The following MAP3K4 variants were observed in gnomAD, a reference collection of about 807,000 sequenced individuals.
The protein encoded by MAP3K4 is mitogen-activated protein kinase kinase kinase 4.
A neutral mutation model predicts 185.6 loss-of-function variants in MAP3K4; 67 were observed. That is an observed-to-expected ratio of 0.36 (90% CI 0.30 to 0.44). The LOEUF (loss-of-function observed/expected upper bound fraction) is 0.44. Ranked by LOEUF, MAP3K4 falls within the 20% of genes least tolerant of loss-of-function variation. The probability of loss-of-function intolerance (pLI) is 1.00; values close to 1 mark genes in which losing one functional copy is unlikely to be tolerated. For synonymous variants in MAP3K4, 702 were observed against 710.4 expected (o/e 0.99, Z 0.19); for missense variants, 1,551 against 1,995.1 (o/e 0.78, Z 4.24).
intron 13 of MAP3K4, among the ~76,000 whole-genome samples, chr6:161,092,360 CT>C (rs1777364272): frequency 6.6e-6 from 1 of 151,650 alleles, no homozygotes; most frequent in East Asian, 1.9e-4. Context: ...TTTGAGTTAC[CT>C]TTAAGGGAAC....
At chr6:161,099,281 A>G (rs1326689752) in intron 17 of MAP3K4, among the ~76,000 whole-genome samples, 1 of 152,252 alleles carries the variant, frequency 6.6e-6, no homozygotes, top group Non-Finnish European at 1.5e-5. Context: ...TAGAGTTAAC[A>G]GGAAGATGAT....
rs186715923 is a variant in MAP3K4, at chr6:161,089,357, G to A, written c.2859G>A (p.Ala953=). ...TTTTACTAGTTGTCATGCAGTCTGC[G>A]CATCTCACAATTCAGAGAAAAGCTT... The part of the protein sequence containing the change: ...DNLLLVVMQS[A]HLTIQRKAFQ... Residue 953 remains alanine, a synonymous_variant, in exon 11 of 27, where the codon GCG becomes GCA. Transcript: ENST00000392142. 67 of 1,614,032 alleles carry A rather than the reference G, an allele frequency of 4.2e-5. No individual in the cohort carries two copies. The highest frequency in any genetic ancestry group is 4.9e-5 in the Non-Finnish European group (58 of 1,180,026).
rs1318386141 is a variant in MAP3K4, at chr6:161,063,764, G to GC, written c.1708-6842dup. Among the ~76,000 whole-genome samples, 8 of 152,150 alleles carry GC rather than the reference G, an allele frequency of 5.3e-5. No individual in the cohort carries two copies. Among genetic ancestry groups the GC allele is most frequent in the Non-Finnish European group, 7.3e-5 (5 of 68,040 alleles). ...CCCCTTGCCTTCACTCATGAATAGTGCCAAAATCATTCCTAATTTCACAGA... is the reference window on the plus strand; with the variant it reads ...CCCCTTGCCTTCACTCATGAATAGTGCCCAAAATCATTCCTAATTTCACAGA... On this transcript the variant is annotated intron_variant, in intron 3 of 26. Coordinates refer to ENST00000392142, the MANE Select transcript of MAP3K4 (RefSeq NM_005922.4). The surrounding 1 kb of genome is among the most constrained non-coding windows in gnomAD (Gnocchi z 5.4).
intron 3 of MAP3K4, among the ~76,000 whole-genome samples, chr6:161,065,709 C>T (rs1318545184): frequency 2.6e-5 from 4 of 152,092 alleles, no homozygotes; most frequent in African/African-American, 9.7e-5. Context: ...GAGGCCAAGG[C>T]GGGTGGATCA....
chr6:161,035,235 T>A lies in MAP3K4; in HGVS notation c.343+786T>A, dbSNP rs150539623. ...AAATGCCATATATTCCTGGAATTTATTCAGCTATTACTGCATGAGATGCGG... is the reference window on the plus strand; with the variant it reads ...AAATGCCATATATTCCTGGAATTTAATCAGCTATTACTGCATGAGATGCGG... On this transcript the variant is annotated intron_variant, in intron 2 of 26. Coordinates refer to ENST00000392142, the MANE Select transcript of MAP3K4 (RefSeq NM_005922.4). Among the ~76,000 whole-genome samples, 203 of 152,338 alleles carry A rather than the reference T, an allele frequency of 1.3e-3. 2 individuals are homozygous for A. In the East Asian group the frequency reaches 0.035, roughly 27 times the overall value.
At chr6:161,009,496 G>A (rs1043029212) in intron 1 of MAP3K4, among the ~76,000 whole-genome samples, 1 of 152,096 alleles carries the variant, frequency 6.6e-6, no homozygotes, top group Non-Finnish European at 1.5e-5. Flanking sequence ...CAGAGCATTT[G>A]TCTTTTTCTG....
At chr6:161,035,671 T>A (rs983788314) in intron 2 of MAP3K4, among the ~76,000 whole-genome samples, 1 of 152,232 alleles carries the variant, frequency 6.6e-6, no homozygotes, top group Non-Finnish European at 1.5e-5. Flanking sequence ...ATCTTGAAAA[T>A]CATTTATTGT....
At position 161,117,058 on chromosome 6, in the gene MAP3K4, T is replaced by C. The variant is rs1300497524; in HGVS notation, c.*188T>C. 1.6e-6 allele frequency: 1 copy of C among 610,312 alleles called. No individual in the cohort carries two copies. Among genetic ancestry groups the C allele is most frequent in the East Asian group, 2.8e-5 (1 of 36,116 alleles). The allele number at this position is 610,312 out of a possible 1,614,324, so 37.8% of individuals were successfully genotyped here. On this transcript the variant is annotated 3_prime_UTR_variant, in exon 27 of 27. Transcript: ENST00000392142. ...TGTGGCAAAAGGCCCTCTGGAGGGC[T>C]GGTGGCCACGAGGTTAAAGAAGCTG...
intron 1 of MAP3K4, among the ~76,000 whole-genome samples, chr6:161,004,692 T>A (rs1394014562): frequency 6.6e-6 from 1 of 152,230 alleles, no homozygotes; most frequent in Non-Finnish European, 1.5e-5. Flanking sequence ...GATGACTTTA[T>A]ATTTAACCCA....
Position 161,097,854 on chromosome 6 carries a change from G to A in MAP3K4, c.3525-424G>A, listed in dbSNP as rs1283156963. On this transcript the variant is annotated intron_variant, in intron 16 of 26. Coordinates refer to ENST00000392142, the MANE Select transcript of MAP3K4 (RefSeq NM_005922.4). The surrounding 1 kb of genome is among the most constrained non-coding windows in gnomAD (Gnocchi z 4.9). The stretch of plus-strand genomic sequence containing the variant: ...TGTAATTCCAGCACTTTAGGAGGAC[G>A]AGGCGGGAGGATCACTTGAGCCCAG... 2.0e-5 allele frequency among the ~76,000 whole-genome samples: 3 copies of A among 151,966 alleles called. No individual in the cohort carries two copies. Among genetic ancestry groups the A allele is most frequent in the South Asian group, 4.2e-4 (2 of 4,818 alleles).
chr6:161,084,399 C>A lies in MAP3K4; in HGVS notation c.2256-102C>A. The A allele has an allele frequency of 1.5e-6, 1 of 659,960 alleles. No individual in the cohort carries two copies. Among genetic ancestry groups the A allele is most frequent in the Non-Finnish European group, 2.7e-6 (1 of 368,892 alleles). 40.9% of individuals were successfully genotyped at this position (659,960 alleles called of 1,614,324 possible). On this transcript the variant is annotated intron_variant, in intron 6 of 26. Transcript: ENST00000392142. The surrounding 1 kb of genome is among the most constrained non-coding windows in gnomAD (Gnocchi z 4.6). Reference sequence around the variant, plus strand: ...AATTTTTCATTTTTGATTTTTAAACCATTAGAGCAGTAGCTGAGCCTTTCA... The same window carrying A: ...AATTTTTCATTTTTGATTTTTAAACAATTAGAGCAGTAGCTGAGCCTTTCA...
Position 161,071,002 on chromosome 6 carries a change from G to T in MAP3K4, c.1950+152G>T. 2.6e-6 allele frequency: 2 copies of T among 766,856 alleles called. No individual in the cohort carries two copies. Among genetic ancestry groups the T allele is most frequent in the Non-Finnish European group, 3.9e-6 (2 of 512,382 alleles). 47.5% of individuals were successfully genotyped at this position (766,856 alleles called of 1,614,324 possible). ...CATGGTTTTAAGCTGTATATTTTAG[G>T]GTAATTAAAAATGTTCTTTATATGC... On this transcript the variant is annotated intron_variant, in intron 4 of 26. Transcript: ENST00000392142. The surrounding 1 kb of genome is among the most constrained non-coding windows in gnomAD (Gnocchi z 4.6).
At chr6:161,039,034 G>A (rs184632258) in intron 2 of MAP3K4, among the ~76,000 whole-genome samples, 2 of 152,088 alleles carry the variant, frequency 1.3e-5, no homozygotes, top group South Asian at 2.1e-4. Context: ...GGTGGAAATC[G>A]CAGGCCTTCT....
intron 1 of MAP3K4, among the ~76,000 whole-genome samples, chr6:161,028,855 G>A (rs1205707641): frequency 6.6e-6 from 1 of 152,178 alleles, no homozygotes; most frequent in Admixed American, 6.5e-5. Flanking sequence ...GCTGATAAAT[G>A]TTCAGCTGTA....
chr6:161,104,516 A>T (rs527839383), intron 19 of MAP3K4, among the ~76,000 whole-genome samples: 2 of 151,958 alleles, frequency 1.3e-5, no homozygotes, highest in Non-Finnish European at 2.9e-5. Flanking sequence ...GGTCGAAACC[A>T]TCCTGGCCAA....
chr6:161,058,432 G>A (rs113967058), intron 3 of MAP3K4, among the ~76,000 whole-genome samples: 3 of 152,290 alleles, frequency 2.0e-5, no homozygotes, highest in African/African-American at 4.8e-5. Context: ...AGAAATTGCA[G>A]TTTGTGATAG....
Position 161,049,100 on chromosome 6 carries a change from A to G in MAP3K4, c.828A>G (p.Thr276=), listed in dbSNP as rs200542695. ...TACAAGCCTGGCATGCAGGACGGAC[A>G]ATTAACGACCAGGACTTCTTTTTAT... The part of the protein sequence containing the change: ...LELQAWHAGR[T]INDQDFFLYT... Residue 276 remains threonine (T), a synonymous_variant, in exon 3 of 27, where the codon ACA becomes ACG. Transcript: ENST00000392142. The surrounding 1 kb of genome is among the most constrained non-coding windows in gnomAD (Gnocchi z 8.4). The G allele has an allele frequency of 3.7e-6, 6 of 1,614,082 alleles. No individual in the cohort carries two copies. In the Admixed American group the frequency reaches 6.7e-5, roughly 18 times the overall value.
chr6:161,046,164 A>G (rs977179791), intron 2 of MAP3K4, among the ~76,000 whole-genome samples: 2 of 152,172 alleles, frequency 1.3e-5, no homozygotes, highest in Non-Finnish European at 2.9e-5. Flanking sequence ...GATACAATGT[A>G]TATGTCATTT....
Position 161,108,203 on chromosome 6 carries a change from G to A in MAP3K4, c.4119+234G>A, listed in dbSNP as rs565401908. 3.9e-5 allele frequency among the ~76,000 whole-genome samples: 6 copies of A among 152,340 alleles called. No homozygotes were observed. The East Asian group carries it at 1.2e-3, about 29-fold the overall frequency. ...CAGACAGTTCTAACAGCACAGGTGT[G>A]AGAAGGGCCTATGAGGGTGGCAGAG... On this transcript the variant is annotated intron_variant, in intron 21 of 26. Coordinates refer to ENST00000392142, the MANE Select transcript of MAP3K4 (RefSeq NM_005922.4). The surrounding 1 kb of genome is among the most constrained non-coding windows in gnomAD (Gnocchi z 5.7).
Sources: gnomAD v4.1 joint callset for allele counts (sites outside exome capture counted in the v4.1 genomes callset) on GRCh38, gnomAD v4.1.1 for gene constraint, Gnocchi (gnomAD v3.1) non-coding constraint, MANE v1.5 for transcripts, NCBI Gene and HGNC (gene_info 2026-07-23, HGNC 2026-07-21) for gene names.